The following EHD4 variants were observed in gnomAD, a reference collection of about 807,000 sequenced individuals.
The protein encoded by EHD4 is EH domain containing 4, also known as EH domain-containing protein 4.
A neutral mutation model predicts 51.0 loss-of-function variants in EHD4; 37 were observed. The observed-to-expected ratio is 0.73, with a 90% CI of 0.56 to 0.95. EHD4 has a LOEUF of 0.95. Among genes scored for constraint, EHD4 ranks in the 40% least tolerant of loss-of-function variants. EHD4 has a pLI of 0.00. For missense variants in EHD4, 632 were observed against 733.1 expected, an observed-to-expected ratio of 0.86 and a Z score of 1.59; for synonymous variants, 297 against 317.3, an observed-to-expected ratio of 0.94 and a Z score of 0.68.
intron 5 of EHD4, among the ~76,000 whole-genome samples, chr15:41,903,307 T>A: frequency 8.2e-6 from 1 of 122,000 alleles, no homozygotes. Flanking sequence ...CTTGGTGTTA[T>A]CATAAATATC....
chr15:41,920,341 T>C lies in EHD4; in HGVS notation c.512-719A>G, dbSNP rs187318026. The stretch of plus-strand genomic sequence containing the variant: ...CTATTCTGACCACCTCCACAAATCA[T>C]GCAGCTGCATAAACACTCTTCAGCC... On this transcript the variant is annotated intron_variant, in intron 3 of 5. Coordinates refer to ENST00000220325, the MANE Select transcript of EHD4 (RefSeq NM_139265.4). 1.3e-3 allele frequency among the ~76,000 whole-genome samples: 191 copies of C among 152,344 alleles called. 1 individual carries two copies. The highest frequency in any genetic ancestry group is 4.4e-3 in the African/African-American group (181 of 41,588).
chr15:41,908,880 C>T lies in EHD4; in HGVS notation c.1089+819G>A, dbSNP rs80167552. Among the ~76,000 whole-genome samples, 653 of 152,312 alleles carry T rather than the reference C, an allele frequency of 4.3e-3. 5 individuals carry two copies. Among genetic ancestry groups the T allele is most frequent in the African/African-American group, 0.015 (621 of 41,578 alleles). On this transcript the variant is annotated intron_variant, in intron 5 of 5. Coordinates refer to ENST00000220325, the MANE Select transcript of EHD4 (RefSeq NM_139265.4). ...TTCGCCTGGCCTGCTCCACTGTTTG[C>T]GTTACTGGGTGGTGGCTGCAGGCAT...
At chr15:41,970,318 A>G (rs1036237486) in intron 1 of EHD4, among the ~76,000 whole-genome samples, 2 of 152,202 alleles carry the variant, frequency 1.3e-5, no homozygotes, top group Non-Finnish European at 2.9e-5. Context: ...GGAAAGCCTC[A>G]AGAACAAATG....
chr15:41,917,791 G>A (rs1012928561), intron 4 of EHD4, among the ~76,000 whole-genome samples: 5 of 152,164 alleles, frequency 3.3e-5, no homozygotes, highest in Non-Finnish European at 7.4e-5. Context: ...TTGCAGAACT[G>A]GAGCAAAAAT....
rs534687320 is a variant in EHD4 at position 41,901,374 on chromosome 15, G to A, written c.1090-193C>T. On this transcript the variant is annotated intron_variant, in intron 5 of 5. Transcript: ENST00000220325. ...GGTTGTTTTGGAACAAGAAACAAGT[G>A]TTTTTCCTATGGCAGCCAATCTCTG... 4.5e-4 allele frequency among the ~76,000 whole-genome samples: 68 copies of A among 152,344 alleles called. 1 individual carries two copies. In the South Asian group the frequency reaches 5.6e-3, roughly 13 times the overall value.
Position 41,972,420 on chromosome 15 carries a change from C to A in EHD4, c.75G>T (p.Thr25=), listed in dbSNP as rs755530312. The part of the protein sequence containing the change: ...AGGADAVQTV[T]GGLRSLYLRK... The stretch of plus-strand genomic sequence containing the variant: ...GCAGGTAGAGCGAGCGCAGCCCGCC[C>A]GTCACCGTCTGCACCGCGTCCGCGC... The change falls in exon 1 of 6, where the codon ACG becomes ACT. Residue 25 remains threonine, a synonymous_variant. Coordinates refer to ENST00000220325, the MANE Select transcript of EHD4 (RefSeq NM_139265.4). 12 of 1,607,884 alleles carry A rather than the reference C, an allele frequency of 7.5e-6. No individual in the cohort carries two copies. The highest frequency in any genetic ancestry group is 9.3e-6 in the Non-Finnish European group (11 of 1,177,942).
At chr15:41,907,824 C>CTGTGTGTGTGTGTGTGTGTG (rs10522331) in intron 5 of EHD4, among the ~76,000 whole-genome samples, 19 of 132,020 alleles carry the variant, frequency 1.4e-4, no homozygotes, top group African/African-American at 5.7e-5. Flanking sequence ...CGCCCAGGCT[C>CTGTGTGTGTGTGTGTGTGTG]TGTGTGTGTG....
Position 41,912,281 on chromosome 15 carries a change from C to T in EHD4, c.925-2418G>A, listed in dbSNP as rs572873217. ...CTCCACTTCTAGGAAGTTCTGTTAG[C>T]GAGGTTTGTGGAAGTCTCCTGTTAC... is the stretch of plus-strand genomic sequence containing the variant. On this transcript the variant is annotated intron_variant, in intron 4 of 5. Transcript: ENST00000220325. Among the ~76,000 whole-genome samples the T allele has an allele frequency of 2.0e-5, 3 of 152,296 alleles. No individual in the cohort carries two copies. The South Asian group carries it at 6.2e-4, about 32-fold the overall frequency.
intron 3 of EHD4, among the ~76,000 whole-genome samples, chr15:41,922,661 T>C (rs2067634761): frequency 6.6e-6 from 1 of 152,208 alleles, no homozygotes; most frequent in Admixed American, 6.5e-5. Flanking sequence ...TAACTTAAAT[T>C]TGAGTTCCTA....
chr15:41,920,012 T>C (rs76054943), intron 3 of EHD4, among the ~76,000 whole-genome samples: 2,444 of 152,294 alleles, frequency 0.016, 52 homozygotes, highest in African/African-American at 0.044. Flanking sequence ...CTGAAAAGTC[T>C]CACTTTTCTG....
chr15:41,910,903 A>G (rs1015761675), intron 4 of EHD4, among the ~76,000 whole-genome samples: 2 of 152,224 alleles, frequency 1.3e-5, no homozygotes, highest in African/African-American at 4.8e-5. Context: ...GTAATTGTGA[A>G]GTCAAGTAAG....
At chr15:41,916,701 C>A (rs1373887633) in intron 4 of EHD4, among the ~76,000 whole-genome samples, 1 of 152,196 alleles carries the variant, frequency 6.6e-6, no homozygotes, top group Non-Finnish European at 1.5e-5. Context: ...GCCAAGGCCG[C>A]CGTGCTGAGT....
chr15:41,901,378 T>C (rs759922802), intron 5 of EHD4, among the ~76,000 whole-genome samples, 197 bp from the exon 6 acceptor site: 16 of 152,228 alleles, frequency 1.1e-4, no homozygotes, highest in Non-Finnish European at 1.9e-4. Flanking sequence ...ACAAGTGTTT[T>C]TCCTATGGCA....
chr15:41,952,675 A>C (rs527379482), intron 2 of EHD4, among the ~76,000 whole-genome samples: 2 of 152,240 alleles, frequency 1.3e-5, no homozygotes, highest in East Asian at 3.9e-4. Flanking sequence ...CAGTGACCCC[A>C]CAACTTTACA....
At chr15:41,957,565 T>A (rs148956663) in intron 1 of EHD4, among the ~76,000 whole-genome samples, 480 of 152,242 alleles carry the variant, frequency 3.2e-3, no homozygotes, top group Non-Finnish European at 6.1e-3. Context: ...GAACATGGCT[T>A]GTTGCTGGTC....
At chr15:41,919,717 A>G in intron 3 of EHD4, 95 bp from the exon 4 acceptor site, 2 of 1,248,852 alleles carry the variant, frequency 1.6e-6, no homozygotes, top group South Asian at 4.9e-5. Context: ...AGCAGCTGCC[A>G]GGGAGAGAGC....
chr15:41,948,491 G>A (rs1021236891), intron 2 of EHD4, among the ~76,000 whole-genome samples: 3 of 152,036 alleles, frequency 2.0e-5, no homozygotes, highest in African/African-American at 4.8e-5. Flanking sequence ...AATGGGGAAA[G>A]CTTCAGCAAG....
intron 1 of EHD4, among the ~76,000 whole-genome samples, chr15:41,966,326 G>A (rs1412270329): frequency 6.6e-6 from 1 of 152,140 alleles, no homozygotes; most frequent in Non-Finnish European, 1.5e-5. Context: ...TTTCCTGGAA[G>A]CATCTGACAC....
chr15:41,936,111 T>C (rs2067730158), intron 3 of EHD4, among the ~76,000 whole-genome samples: 1 of 152,242 alleles, frequency 6.6e-6, no homozygotes, highest in African/African-American at 2.4e-5. Flanking sequence ...CCTGCAGGGC[T>C]TCTTATGACC....
Sources: gnomAD v4.1 joint callset for allele counts (sites outside exome capture counted in the v4.1 genomes callset) on GRCh38, gnomAD v4.1.1 for gene constraint, MANE v1.5 for transcripts, NCBI Gene and HGNC (gene_info 2026-07-23, HGNC 2026-07-21) for gene names.